Variants in PCDHGB5 observed in about 807,000 individuals in gnomAD.
The protein encoded by PCDHGB5 is protocadherin gamma-B5.
In PCDHGB5, 48 loss-of-function variants were observed where a neutral mutation model predicts 62.9. The ratio of observed to expected loss-of-function variants is 0.76; its 90% confidence interval spans 0.61 to 0.97. The LOEUF is 0.97. Ranked by LOEUF, PCDHGB5 falls within the 50% of genes least tolerant of loss-of-function variation. The probability of loss-of-function intolerance (pLI) is 0.00; values close to 1 mark genes in which losing one functional copy is unlikely to be tolerated. For synonymous variants in PCDHGB5, 474 were observed against 511.2 expected (o/e 0.93, Z 0.98); for missense variants, 1,118 against 1,198.6 (o/e 0.93, Z 0.99).
chr5:141,419,145 A>T, intron 1 of PCDHGB5: 1 of 1,613,940 alleles, frequency 6.2e-7, no homozygotes, highest in Non-Finnish European at 8.5e-7. Flanking sequence ...GACAGGGGCA[A>T]GCCTCCGTTA....
Position 141,432,617 on chromosome 5 carries a change from G to A in PCDHGB5, c.2397+32093G>A. The A allele has an allele frequency of 6.2e-7, 1 of 1,613,694 alleles. No individual in the cohort carries two copies. Among genetic ancestry groups the A allele is most frequent in the South Asian group, 1.1e-5 (1 of 91,044 alleles). On this transcript the variant is annotated intron_variant, in intron 1 of 3. Coordinates refer to ENST00000617380, the MANE Select transcript of PCDHGB5 (RefSeq NM_018925.3). This position sits in a 1 kb window ranked among gnomAD's most constrained non-coding sequence, Gnocchi z 6.0. ...CAGCGAGCCGGGACTCTTCTCGGTGGGTCTGCACACGGGCGAGGTGCGCAC... is the reference window on the plus strand; with the variant it reads ...CAGCGAGCCGGGACTCTTCTCGGTGAGTCTGCACACGGGCGAGGTGCGCAC...
intron 1 of PCDHGB5, chr5:141,409,079 T>C (rs2095221320): frequency 2.5e-6 from 4 of 1,613,908 alleles, no homozygotes; most frequent in Non-Finnish European, 3.4e-6. Context: ...ACATATGTTC[T>C]CATTGGATGA....
At chr5:141,509,117 G>A (rs1271574654) in intron 3 of PCDHGB5, among the ~76,000 whole-genome samples, 1 of 152,150 alleles carries the variant, frequency 6.6e-6, no homozygotes, top group Admixed American at 6.5e-5. Flanking sequence ...GCGCTGGTGC[G>A]TGAAGAGAAA....
Position 141,398,375 on chromosome 5 carries a change from A to C in PCDHGB5, c.248A>C (p.Glu83Ala). ...PYFTVSAESG[E>A]LLVSSRLDRE... ...TTCACCGTGAGCGCAGAGAGCGGGGAGTTGCTTGTGAGCAGCAGGCTAGAC... is the reference window on the plus strand; with the variant it reads ...TTCACCGTGAGCGCAGAGAGCGGGGCGTTGCTTGTGAGCAGCAGGCTAGAC... Residue 83 changes from glutamate (E) to alanine (A), a missense_variant, in exon 1 of 4, where the codon GAG (glutamate) becomes GCG (alanine). Physicochemically the swap from Glu to Ala is moderately radical, Grantham distance 107. Around this residue, in one of 2 missense-constraint regions of PCDHGB5, gnomAD observed 84 missense variants for 169.5 expected, o/e 0.50. Coordinates refer to ENST00000617380, the MANE Select transcript of PCDHGB5 (RefSeq NM_018925.3). 1.4e-6 allele frequency: 2 copies of C among 1,437,542 alleles called. No homozygotes were observed. Among genetic ancestry groups the C allele is most frequent in the East Asian group, 4.7e-5 (2 of 42,678 alleles). The allele number at this position is 1,437,542 out of a possible 1,614,324, so 89.0% of individuals were successfully genotyped here.
At chr5:141,500,355 C>G (rs539892249) in intron 2 of PCDHGB5, among the ~76,000 whole-genome samples, 2 of 151,912 alleles carry the variant, frequency 1.3e-5, no homozygotes, top group Non-Finnish European at 2.9e-5. Flanking sequence ...ACTACAGGCG[C>G]CCACTACCAC....
In PCDHGB5 at chr5:141,485,417, G is replaced by A. The variant is rs1340790133; in HGVS notation, c.2398-9390G>A. The A allele has an allele frequency of 1.2e-6, 2 of 1,614,166 alleles. No homozygotes were observed. Among genetic ancestry groups the A allele is most frequent in the Non-Finnish European group, 8.5e-7 (1 of 1,180,038 alleles). ...ACACTTCCGTGTGGATTTGGACAGCGGAGCCCTGCTCATCAAGAACCCAAT... is the reference window on the plus strand; with the variant it reads ...ACACTTCCGTGTGGATTTGGACAGCAGAGCCCTGCTCATCAAGAACCCAAT... On this transcript the variant is annotated intron_variant, in intron 1 of 3. Coordinates refer to ENST00000617380, the MANE Select transcript of PCDHGB5 (RefSeq NM_018925.3). The surrounding 1 kb of genome is among the most constrained non-coding windows in gnomAD (Gnocchi z 5.7).
At chr5:141,470,015 G>C (rs999085849) in intron 1 of PCDHGB5, among the ~76,000 whole-genome samples, 1 of 152,130 alleles carries the variant, frequency 6.6e-6, no homozygotes, top group Non-Finnish European at 1.5e-5. Context: ...TGTAATCCCA[G>C]CTACTCGGGA....
intron 1 of PCDHGB5, chr5:141,404,928 C>G: frequency 2.5e-6 from 4 of 1,613,866 alleles, no homozygotes; most frequent in Non-Finnish European, 3.4e-6. Context: ...GCCACTGTCA[C>G]GCTCACAGTA....
intron 1 of PCDHGB5, among the ~76,000 whole-genome samples, chr5:141,451,387 T>C (rs1039738460): frequency 6.6e-6 from 1 of 152,116 alleles, no homozygotes; most frequent in African/African-American, 2.4e-5. Flanking sequence ...TCTCACATAG[T>C]TAATGGCAAA....
Position 141,432,484 on chromosome 5 carries a change from G to A in PCDHGB5, c.2397+31960G>A, listed in dbSNP as rs1164877592. On this transcript the variant is annotated intron_variant, in intron 1 of 3. Transcript: ENST00000617380. The surrounding 1 kb of genome is among the most constrained non-coding windows in gnomAD (Gnocchi z 6.0). ...TCCCCACGGACGGTTCCACTGGCGTGGAGCTGGCTCCCCGCTCCGCAGAGC... is the reference window on the plus strand; with the variant it reads ...TCCCCACGGACGGTTCCACTGGCGTAGAGCTGGCTCCCCGCTCCGCAGAGC... 8.7e-6 allele frequency: 14 copies of A among 1,614,196 alleles called. No individual in the cohort carries two copies. Among genetic ancestry groups the A allele is most frequent in the Non-Finnish European group, 1.2e-5 (14 of 1,180,046 alleles).
intron 1 of PCDHGB5, among the ~76,000 whole-genome samples, chr5:141,446,882 G>A (rs1419213225): frequency 1.3e-5 from 2 of 152,086 alleles, no homozygotes; most frequent in African/African-American, 4.8e-5. Flanking sequence ...TATGTTTTGG[G>A]GTTCATGGCT....
At position 141,422,923 on chromosome 5, in the gene PCDHGB5, C is replaced by T. The variant is rs188787674; in HGVS notation, c.2397+22399C>T. The T allele has an allele frequency of 1.6e-5, 26 of 1,614,252 alleles. No homozygotes were observed. In the East Asian group the frequency reaches 2.5e-4, roughly 15 times the overall value. On this transcript the variant is annotated intron_variant, in intron 1 of 3. Coordinates refer to ENST00000617380, the MANE Select transcript of PCDHGB5 (RefSeq NM_018925.3). ...CGACAATGCGCCCGAGATCCTGTAC[C>T]CTGCCCTCCCCACAGACGGCTCCAC...
rs2097536640 is a variant in PCDHGB5 at position 141,432,779 on chromosome 5, G to C, written c.2397+32255G>C. 3 of 1,614,170 alleles carry C rather than the reference G, an allele frequency of 1.9e-6. No individual in the cohort carries two copies. The highest frequency in any genetic ancestry group is 2.5e-6 in the Non-Finnish European group (3 of 1,180,002). On this transcript the variant is annotated intron_variant, in intron 1 of 3. Coordinates refer to ENST00000617380, the MANE Select transcript of PCDHGB5 (RefSeq NM_018925.3). The surrounding 1 kb of genome is among the most constrained non-coding windows in gnomAD (Gnocchi z 6.0). Reference sequence around the variant, plus strand: ...CGACAGCATCCCCCAAGTCCTGGCGGACCTCGGCAGCCTCGAGTCTCCAGC... The same window carrying C: ...CGACAGCATCCCCCAAGTCCTGGCGCACCTCGGCAGCCTCGAGTCTCCAGC...
At chr5:141,497,203 G>C (rs750138875) in intron 2 of PCDHGB5, among the ~76,000 whole-genome samples, 3 of 91,718 alleles carry the variant, frequency 3.3e-5, no homozygotes, top group African/African-American at 2.8e-4. Flanking sequence ...AACAATGTGA[G>C]TGTAATGGGG....
Position 141,398,685 on chromosome 5 carries a change from G to T in PCDHGB5, c.558G>T (p.Gln186His). ...PSFSLIIKEK[Q>H]DGSKYPELAL... ...TCTCATTAATAATTAAGGAGAAACA[G>T]GATGGTAGTAAATACCCGGAACTGG... is the stretch of plus-strand genomic sequence containing the variant. Residue 186 changes from glutamine to histidine, a missense_variant, in exon 1 of 4, where the codon CAG becomes CAT. Physicochemically the swap from Gln to His is conservative, Grantham distance 24. Coordinates refer to ENST00000617380, the MANE Select transcript of PCDHGB5 (RefSeq NM_018925.3). 6.2e-7 allele frequency: 1 copy of T among 1,613,966 alleles called. No individual in the cohort carries two copies. The highest frequency in any genetic ancestry group is 8.5e-7 in the Non-Finnish European group (1 of 1,179,896).
rs1358954122 is a variant in PCDHGB5, at chr5:141,491,553, C to T, written c.2398-3254C>T. On this transcript the variant is annotated intron_variant, in intron 1 of 3. Coordinates refer to ENST00000617380, the MANE Select transcript of PCDHGB5 (RefSeq NM_018925.3). This position sits in a 1 kb window ranked among gnomAD's most constrained non-coding sequence, Gnocchi z 6.9. ...CGCTGCGGCCCACAGACTCGCAGAG[C>T]CACTGCTACAGGACGTGCTTTTCAC... The T allele has an allele frequency of 6.2e-7, 1 of 1,613,954 alleles. No homozygotes were observed.
chr5:141,441,764 C>A, intron 1 of PCDHGB5: 1 of 384,482 alleles, frequency 2.6e-6, no homozygotes, highest in South Asian at 2.1e-5. Flanking sequence ...TGAGCCTGCG[C>A]GTGTTGGTGG....
Position 141,476,064 on chromosome 5 carries a change from C to T in PCDHGB5, c.2398-18743C>T, listed in dbSNP as rs1593605493. On this transcript the variant is annotated intron_variant, in intron 1 of 3. Transcript: ENST00000617380. The surrounding 1 kb of genome is among the most constrained non-coding windows in gnomAD (Gnocchi z 7.6). Reference sequence around the variant, plus strand: ...CGCTAACCCGCTGAAAGTTTCTCAGCGAAATCTCAGGGACGATCTGGACCC... The same window carrying T: ...CGCTAACCCGCTGAAAGTTTCTCAGTGAAATCTCAGGGACGATCTGGACCC... 2.0e-6 allele frequency: 3 copies of T among 1,510,080 alleles called. No homozygotes were observed. In the East Asian group the frequency reaches 6.8e-5, roughly 34 times the overall value. 93.5% of individuals were successfully genotyped at this position (1,510,080 alleles called of 1,614,324 possible). A position where few individuals can be genotyped will look rare whatever the true frequency, so the allele number is the denominator to read the frequency against.
chr5:141,492,026 G>A, intron 1 of PCDHGB5: 1 of 567,198 alleles, frequency 1.8e-6, no homozygotes, highest in South Asian at 2.9e-5. Flanking sequence ...GGGGTCCCGG[G>A]AGGAGGCAGT....
Sources: allele counts gnomAD v4.1 joint callset (sites outside exome capture counted in the v4.1 genomes callset), GRCh38; gene constraint gnomAD v4.1.1; regional missense constraint gnomAD v4.1.1; non-coding constraint Gnocchi (gnomAD v3.1); transcripts MANE v1.5; gene names NCBI Gene and HGNC (gene_info 2026-07-23, HGNC 2026-07-21).